The following MYOM1 variants were observed in gnomAD, a reference collection of about 807,000 sequenced individuals.
The protein encoded by MYOM1 is myomesin 1.
In MYOM1, 164 loss-of-function variants were observed where a neutral mutation model predicts 205.3. The observed-to-expected ratio is 0.80, with a 90% CI of 0.70 to 0.91. The LOEUF (loss-of-function observed/expected upper bound fraction) is 0.91, where lower values mean the gene tolerates loss of function less well. Ranked by LOEUF, MYOM1 falls within the 40% of genes least tolerant of loss-of-function variation. The pLI, the probability that MYOM1 is intolerant of heterozygous loss-of-function variation, is 0.00. For synonymous variants in MYOM1, 772 were observed against 789.4 expected (o/e 0.98, Z 0.37); for missense variants, 2,011 against 2,127.3 (o/e 0.95, Z 1.08).
chr18:3,067,310 C>A lies in MYOM1; in HGVS notation c.5010G>T (p.Ala1670=). 6.2e-7 allele frequency: 1 copy of A among 1,611,144 alleles called. No individual in the cohort carries two copies. The highest frequency in any genetic ancestry group is 8.5e-7 in the Non-Finnish European group (1 of 1,179,482). ...TVSVFIPEEE[A]RMAALESLKG... ...TCAGGGACTCCAAGGCGGCCATCCT[C>A]GCCTCCTCCTCTGGGATGAACACGC... Residue 1670 remains alanine, a synonymous_variant, in exon 38 of 38, where the codon GCG becomes GCT. Coordinates refer to ENST00000356443, the MANE Select transcript of MYOM1 (RefSeq NM_003803.4).
chr18:3,069,355 T>C (rs2078935174), intron 37 of MYOM1, among the ~76,000 whole-genome samples: 1 of 152,228 alleles, frequency 6.6e-6, no homozygotes, highest in South Asian at 2.1e-4. Flanking sequence ...TATTTTTCTC[T>C]TACTAAAATC....
intron 10 of MYOM1, among the ~76,000 whole-genome samples, chr18:3,155,378 C>A (rs534726134): frequency 6.6e-6 from 1 of 152,162 alleles, no homozygotes; most frequent in Admixed American, 6.5e-5. Flanking sequence ...CCCGCCACCA[C>A]GCCCAGCTAA....
intron 20 of MYOM1, among the ~76,000 whole-genome samples, chr18:3,118,998 C>G (rs1298343132): frequency 6.6e-6 from 1 of 152,172 alleles, no homozygotes; most frequent in Non-Finnish European, 1.5e-5. Context: ...AAAATCACCC[C>G]CCGCATACCT....
chr18:3,188,950 G>A lies in MYOM1; in HGVS notation c.569C>T (p.Thr190Ile), dbSNP rs769452073. The A allele has an allele frequency of 6.2e-7, 1 of 1,600,392 alleles. No homozygotes were observed. The highest frequency in any genetic ancestry group is 1.7e-5 in the Admixed American group (1 of 59,698). Residue 190 changes from threonine to isoleucine, a missense_variant, in exon 4 of 38, where the codon ACC becomes ATC. By Grantham distance (89) the Thr-to-Ile change is moderately conservative. Coordinates refer to ENST00000356443, the MANE Select transcript of MYOM1 (RefSeq NM_003803.4). ...TGCCGTGGACTGCTTAGATGCCGTG[G>A]TCTGCTTGGATGCCGTGGACTGTTT... The part of the protein sequence containing the change: ...TSKQSTASKQ[T>I]TASKQSTASK...
chr18:3,207,217 C>CT (rs2081134828), intron 2 of MYOM1, among the ~76,000 whole-genome samples: 1 of 152,154 alleles, frequency 6.6e-6, no homozygotes, highest in African/African-American at 2.4e-5. Flanking sequence ...GTGTAAAACT[C>CT]TGAGAGAATT....
At chr18:3,220,289 G>T (rs1396685333), upstream of MYOM1, among the ~76,000 whole-genome samples, 2 of 152,208 alleles carry the variant, frequency 1.3e-5, no homozygotes, top group Non-Finnish European at 2.9e-5. Flanking sequence ...GAATTTTAAT[G>T]CCAAGATATG....
In MYOM1 at chr18:3,219,173, C is replaced by T. The variant is rs1397410927; in HGVS notation, c.-29+630G>A. On this transcript the variant is annotated intron_variant, in intron 1 of 37. Transcript: ENST00000356443. The surrounding 1 kb of genome is among the most constrained non-coding windows in gnomAD (Gnocchi z 4.4). ...AGAATTTAGGAAGAAATACAAATTC[C>T]ATAGCTGTAATTTATGATACTTTTG... Among the ~76,000 whole-genome samples, 1 of 151,990 alleles carries T rather than the reference C, an allele frequency of 6.6e-6. No individual in the cohort carries two copies. Among genetic ancestry groups the T allele is most frequent in the Non-Finnish European group, 1.5e-5 (1 of 68,012 alleles).
In MYOM1 at chr18:3,098,729, T is replaced by C. The variant is rs1033496965; in HGVS notation, c.3727+1430A>G. Among the ~76,000 whole-genome samples the C allele has an allele frequency of 6.6e-5, 10 of 152,206 alleles. No individual in the cohort carries two copies. In the East Asian group the frequency reaches 1.7e-3, roughly 26 times the overall value. ...CAAAGAGAGTCCAGTCCAAACACTT[T>C]GCAATACACTTTAGTACTTTCCATA... On this transcript the variant is annotated intron_variant, in intron 25 of 37. Transcript: ENST00000356443.
chr18:3,129,474 G>A lies in MYOM1; in HGVS notation c.2552C>T (p.Pro851Leu), dbSNP rs369604378. The A allele has an allele frequency of 6.6e-5, 106 of 1,613,806 alleles. No individual in the cohort carries two copies. Among genetic ancestry groups the A allele is most frequent in the Middle Eastern group, 3.3e-4 (2 of 6,084 alleles). Reference protein sequence around the residue: ...PDVCPALSDEPGGLTASRGRV... With the variant: ...PDVCPALSDELGGLTASRGRV... The stretch of plus-strand genomic sequence containing the variant: ...CCCCCTGGAGGCGGTTAGTCCACCA[G>A]GCTCATCGCTCAGTGCGGGACACAC... Residue 851 changes from proline to leucine, a missense_variant, in exon 18 of 38, where the codon CCT (proline) becomes CTT (leucine). Pro to Leu is a moderately conservative substitution (Grantham distance 98, BLOSUM62 -3). Transcript: ENST00000356443.
chr18:3,185,435 T>C (rs2080796290), intron 5 of MYOM1, among the ~76,000 whole-genome samples: 1 of 152,228 alleles, frequency 6.6e-6, no homozygotes, highest in Non-Finnish European at 1.5e-5. Context: ...TCATTTATTA[T>C]TGATACATTT....
the MYOM1 span, among the ~76,000 whole-genome samples, chr18:3,244,818 G>A: frequency 2.0e-5 from 3 of 151,986 alleles, no homozygotes; most frequent in Non-Finnish European, 4.4e-5. Context: ...AGAATCACCT[G>A]AACCTAGGAG....
chr18:3,082,795 T>C (rs2079099382), intron 33 of MYOM1, among the ~76,000 whole-genome samples: 1 of 152,178 alleles, frequency 6.6e-6, no homozygotes, highest in South Asian at 2.1e-4. Flanking sequence ...AGAAGTGAAC[T>C]TGAATAGAGT....
rs1466220856 is a variant in MYOM1 at position 3,174,193 on chromosome 18, A to T, written c.1038T>A (p.Asp346Glu). The stretch of plus-strand genomic sequence containing the variant: ...TCGCCGAGGCCCGGTACTGAGCTGT[A>T]TCTTCAAAATCACATCTGAAAGAAC... ...TLEINGCDFE[D>E]TAQYRASAMN... Residue 346 changes from aspartate (D) to glutamate (E), a missense_variant, in exon 7 of 38, where the codon GAT (aspartate) becomes GAA (glutamate). Physicochemically the swap from Asp to Glu is conservative, Grantham distance 45 (BLOSUM62 2). Transcript: ENST00000356443. 1 of 1,612,964 alleles carries T rather than the reference A, an allele frequency of 6.2e-7. No individual in the cohort carries two copies. Among genetic ancestry groups the T allele is most frequent in the Non-Finnish European group, 8.5e-7 (1 of 1,179,554 alleles).
At position 3,084,046 on chromosome 18, in the gene MYOM1, A is replaced by C; in HGVS notation, c.4340-19T>G. On this transcript the variant is annotated intron_variant, in intron 31 of 37. Coordinates refer to ENST00000356443, the MANE Select transcript of MYOM1 (RefSeq NM_003803.4). ...TTAAAGGCTGTGGAGAGAGATTCAG[A>C]GCCAAAACTTTAGCATAAAAATTCT... 2 of 1,569,536 alleles carry C rather than the reference A, an allele frequency of 1.3e-6. No individual in the cohort carries two copies. Among genetic ancestry groups the C allele is most frequent in the Non-Finnish European group, 1.7e-6 (2 of 1,155,410 alleles).
In MYOM1 at chr18:3,087,909, C is replaced by T. The variant is rs554169308; in HGVS notation, c.4137+1265G>A. 4.6e-5 allele frequency among the ~76,000 whole-genome samples: 7 copies of T among 152,234 alleles called. No individual in the cohort carries two copies. The East Asian group carries it at 1.2e-3, about 25-fold the overall frequency. Reference sequence around the variant, plus strand: ...ATACTCCATGAACTGTAATGCGACACGTGAGTGGCTAAATTTACAGGAATT... The same window carrying T: ...ATACTCCATGAACTGTAATGCGACATGTGAGTGGCTAAATTTACAGGAATT... On this transcript the variant is annotated intron_variant, in intron 29 of 37. Coordinates refer to ENST00000356443, the MANE Select transcript of MYOM1 (RefSeq NM_003803.4).
At chr18:3,213,606 C>G (rs1377350404) in intron 2 of MYOM1, among the ~76,000 whole-genome samples, 1 of 152,182 alleles carries the variant, frequency 6.6e-6, no homozygotes, top group Non-Finnish European at 1.5e-5. Context: ...GCAAAGTGAA[C>G]AGGAAATGAC....
In MYOM1 at chr18:3,174,009, G is replaced by T; in HGVS notation, c.1112-9C>A. 1 of 1,612,632 alleles carries T rather than the reference G, an allele frequency of 6.2e-7. No homozygotes were observed. Among genetic ancestry groups the T allele is most frequent in the Non-Finnish European group, 8.5e-7 (1 of 1,178,912 alleles). On this transcript the variant is annotated splice_polypyrimidine_tract_variant and intron_variant, in intron 7 of 37. Coordinates refer to ENST00000356443, the MANE Select transcript of MYOM1 (RefSeq NM_003803.4). ...AAACTCTCCCTTATACCCTAGAGAAGAAAACAGAAACGCATGTGAACTGCT... is the reference window on the plus strand; with the variant it reads ...AAACTCTCCCTTATACCCTAGAGAATAAAACAGAAACGCATGTGAACTGCT...
chr18:3,238,670 C>G, the MYOM1 span, among the ~76,000 whole-genome samples: 1 of 152,154 alleles, frequency 6.6e-6, no homozygotes, highest in Non-Finnish European at 1.5e-5. Flanking sequence ...AACAACACAA[C>G]TTAGTCATCT....
intron 19 of MYOM1, among the ~76,000 whole-genome samples, chr18:3,122,180 GT>G (rs71366636): frequency 7.7e-4 from 107 of 138,624 alleles, no homozygotes; most frequent in Middle Eastern, 3.7e-3. Flanking sequence ...TAAGATATTA[GT>G]TTTTTTTTTT....
Sources: gnomAD v4.1 joint callset for allele counts (sites outside exome capture counted in the v4.1 genomes callset) on GRCh38, gnomAD v4.1.1 for gene constraint, Gnocchi (gnomAD v3.1) non-coding constraint, MANE v1.5 for transcripts, NCBI Gene and HGNC (gene_info 2026-07-23, HGNC 2026-07-21) for gene names.